SVOPL: variants seen among roughly 807,000 people sequenced by gnomAD.
SVOPL encodes the protein SVOP like.
In SVOPL, 60 loss-of-function variants were observed where a neutral mutation model predicts 61.0. That is an observed-to-expected ratio of 0.98 (90% CI 0.80 to 1.22). SVOPL has a LOEUF of 1.22. Ranked by LOEUF, SVOPL falls within the 50% of genes most tolerant of loss-of-function variation. The pLI is 0.00. For missense variants in SVOPL, 662 were observed against 643.9 expected, an observed-to-expected ratio of 1.03 and a Z score of -0.30; for synonymous variants, 279 against 250.0, an observed-to-expected ratio of 1.12 and a Z score of -1.09.
chr7:138,596,900 T>C, intron 14 of SVOPL: 1 of 1,088,446 alleles, frequency 9.2e-7, no homozygotes, highest in Non-Finnish European at 1.1e-6. Context: ...TCATGCTATA[T>C]CCTCTGTCTG....
At chr7:138,672,906 A>C (rs2117111645) in intron 3 of SVOPL, among the ~76,000 whole-genome samples, 2 of 52,426 alleles carry the variant, frequency 3.8e-5, no homozygotes, top group African/African-American at 1.7e-4. Context: ...TTGTCTCTCA[A>C]AAAAAAAAAA....
chr7:138,696,505 C>A (rs1584873967), intron 1 of SVOPL, among the ~76,000 whole-genome samples: 1 of 152,138 alleles, frequency 6.6e-6, no homozygotes, highest in African/African-American at 2.4e-5. Flanking sequence ...TCACTGCAAC[C>A]TCTGCCTCCT....
Position 138,678,417 on chromosome 7 carries a change from C to A in SVOPL, c.174+17G>T. On this transcript the variant is annotated intron_variant, in intron 3 of 15. Transcript: ENST00000674285. ...AGAGTTTGACACTTTTCGTCAACAT[C>A]TCGAAGGAGCACTCACCCCAGTACT... 1 of 1,547,166 alleles carries A rather than the reference C, an allele frequency of 6.5e-7. No homozygotes were observed. Among genetic ancestry groups the A allele is most frequent in the Non-Finnish European group, 8.7e-7 (1 of 1,145,838 alleles).
chr7:138,609,556 G>A (rs957860699), intron 14 of SVOPL, among the ~76,000 whole-genome samples: 15 of 151,624 alleles, frequency 9.9e-5, no homozygotes, highest in African/African-American at 3.6e-4. Flanking sequence ...CTACTCAGGA[G>A]ACTGAGATAG....
chr7:138,610,840 G>A (rs868235891), intron 14 of SVOPL, among the ~76,000 whole-genome samples: 2 of 152,336 alleles, frequency 1.3e-5, no homozygotes, highest in African/African-American at 2.4e-5. Flanking sequence ...TAGGGCCCCA[G>A]GTTCCCAGCC....
At chr7:138,617,623 A>C (rs1011658185) in intron 14 of SVOPL, among the ~76,000 whole-genome samples, 1 of 152,048 alleles carries the variant, frequency 6.6e-6, no homozygotes, top group African/African-American at 2.4e-5. Context: ...CCAAGGTAGG[A>C]GGATCTTGGA....
At chr7:138,696,786 C>T (rs898578121) in intron 1 of SVOPL, among the ~76,000 whole-genome samples, 1 of 152,122 alleles carries the variant, frequency 6.6e-6, no homozygotes, top group African/African-American at 2.4e-5. Flanking sequence ...CCAGACTGGT[C>T]TTAAACTCCT....
intron 13 of SVOPL, among the ~76,000 whole-genome samples, chr7:138,624,555 G>T (rs1371742603): frequency 6.6e-6 from 1 of 152,096 alleles, no homozygotes; most frequent in Admixed American, 6.6e-5. Flanking sequence ...ATCATGTTCT[G>T]AAGATAAAAG....
chr7:138,665,337 C>T (rs1802221764), intron 4 of SVOPL, among the ~76,000 whole-genome samples: 1 of 151,222 alleles, frequency 6.6e-6, no homozygotes, highest in African/African-American at 2.4e-5. Context: ...CAATGTTGCT[C>T]ATTAGCCTGG....
intron 1 of SVOPL, among the ~76,000 whole-genome samples, chr7:138,685,028 G>A (rs942016038): frequency 2.0e-5 from 3 of 151,824 alleles, no homozygotes; most frequent in African/African-American, 7.3e-5. Context: ...CACCTCCTGG[G>A]TTCAAGCGAT....
intron 4 of SVOPL, among the ~76,000 whole-genome samples, chr7:138,663,856 A>T (rs533631584): frequency 6.6e-6 from 1 of 152,262 alleles, no homozygotes; most frequent in East Asian, 1.9e-4. Flanking sequence ...TTTCTAGGGG[A>T]AAACAAAACA....
Position 138,621,814 on chromosome 7 carries a change from G to C in SVOPL, c.1264-679C>G, listed in dbSNP as rs202167161. ...TCTATCTATCTATGTATCTATCTAT[G>C]TATCTATGTATCTATGTATCTATCT... On this transcript the variant is annotated intron_variant, in intron 13 of 15. Transcript: ENST00000674285. Among the ~76,000 whole-genome samples, 48 of 43,168 alleles carry C rather than the reference G, an allele frequency of 1.1e-3. 1 individual carries two copies. The highest frequency in any genetic ancestry group is 3.5e-3 in the East Asian group (2 of 574). The allele number at this position is 43,168 out of a possible 152,430, so 28.3% of individuals were successfully genotyped here.
intron 11 of SVOPL, 88 bp downstream of exon 11, chr7:138,628,070 G>A (rs146489666): frequency 2.1e-6 from 3 of 1,462,808 alleles, no homozygotes; most frequent in African/African-American, 2.8e-5. Context: ...CAGGAGCGGT[G>A]TCACAGGGTC....
At chr7:138,617,315 A>C (rs1799346411) in intron 14 of SVOPL, among the ~76,000 whole-genome samples, 1 of 152,196 alleles carries the variant, frequency 6.6e-6, no homozygotes. Context: ...GCTTATAGTC[A>C]TTAGGATATG....
intron 14 of SVOPL, among the ~76,000 whole-genome samples, chr7:138,618,109 C>T (rs1280091098): frequency 6.6e-6 from 1 of 152,126 alleles, no homozygotes; most frequent in East Asian, 1.9e-4. Flanking sequence ...CCAATCTAAA[C>T]CTGTTAAGGA....
chr7:138,656,918 T>C (rs1801767077), intron 6 of SVOPL, among the ~76,000 whole-genome samples: 1 of 152,230 alleles, frequency 6.6e-6, no homozygotes, highest in South Asian at 2.1e-4. Context: ...GGCGCATGCC[T>C]GTAGTCCCAG....
intron 9 of SVOPL, among the ~76,000 whole-genome samples, chr7:138,637,462 A>C (rs1203635945): frequency 7.0e-4 from 27 of 38,740 alleles, no homozygotes; most frequent in African/African-American, 1.9e-3. Flanking sequence ...ATAGATATAT[A>C]TATATAGATA....
At chr7:138,677,055 CA>C (rs1244040380) in intron 3 of SVOPL, among the ~76,000 whole-genome samples, 1 of 152,130 alleles carries the variant, frequency 6.6e-6, no homozygotes, top group African/African-American at 2.4e-5. Context: ...AGGCGCCCGC[CA>C]CCATGCCCGT....
chr7:138,608,326 C>T (rs373425393), intron 14 of SVOPL, among the ~76,000 whole-genome samples: 1 of 152,278 alleles, frequency 6.6e-6, no homozygotes, highest in African/African-American at 2.4e-5. Flanking sequence ...TGCTATAAAT[C>T]TCATTAGAGT....
Sources: gnomAD v4.1 joint callset for allele counts (sites outside exome capture counted in the v4.1 genomes callset) on GRCh38, gnomAD v4.1.1 for gene constraint, MANE v1.5 for transcripts, NCBI Gene and HGNC (gene_info 2026-07-23, HGNC 2026-07-21) for gene names.